The following FAM110D variants were observed in gnomAD, a reference collection of about 807,000 sequenced individuals.
FAM110D encodes protein FAM110D.
For missense variants in FAM110D, 376 were observed against 395.6 expected (o/e 0.95, Z 0.42); for synonymous variants, 174 against 189.4 (o/e 0.92, Z 0.67).
In FAM110D at chr1:26,159,126, G is replaced by A. The variant is rs1295849883; in HGVS notation, c.-81G>A. On this transcript the variant is annotated splice_region_variant and 5_prime_UTR_variant, in exon 1 of 2. Coordinates refer to ENST00000374268, the MANE Select transcript of FAM110D (RefSeq NM_024869.3). The stretch of plus-strand genomic sequence containing the variant: ...CCTGCAATTAGGCCTCCCATGCAGA[G>A]GTGAGTGTACCCTGAGCCCAGGGCT... 6.6e-6 allele frequency: 1 copy of A among 152,362 alleles called. No individual in the cohort carries two copies. The highest frequency in any genetic ancestry group is 1.5e-5 in the Non-Finnish European group (1 of 68,152). 9.4% of individuals were successfully genotyped at this position (152,362 alleles called of 1,614,324 possible).
Position 26,161,804 on chromosome 1 carries a change from G to T in FAM110D, c.513G>T (p.Leu171=). The part of the protein sequence containing the change: ...EKERFFNYCG[L]ERALVEVLGA... ...AGCGCTTCTTCAACTACTGCGGCCT[G>T]GAGCGCGCGCTGGTGGAGGTGCTGG... The change falls in exon 2 of 2, where the codon CTG becomes CTT. Residue 171 remains leucine (L), a synonymous_variant. Transcript: ENST00000374268. This position sits in a 1 kb window ranked among gnomAD's most constrained non-coding sequence, Gnocchi z 5.4. 6.5e-7 allele frequency: 1 copy of T among 1,549,836 alleles called. No homozygotes were observed. The highest frequency in any genetic ancestry group is 2.4e-5 in the East Asian group (1 of 41,246).
intron 1 of FAM110D, among the ~76,000 whole-genome samples, chr1:26,160,991 G>C (rs2088361387): frequency 6.6e-6 from 1 of 152,228 alleles, no homozygotes; most frequent in African/African-American, 2.4e-5. Context: ...CCAGATTGGG[G>C]CACCTTCAAA....
At position 26,163,911 on chromosome 1, in the gene FAM110D, G is replaced by GA. The variant is rs1233876611; in HGVS notation, c.*1805dup. On this transcript the variant is annotated 3_prime_UTR_variant, in exon 2 of 2. Transcript: ENST00000374268. ...AGAGGGCGATGGACGCAGTCCTCTG[G>GA]AGCTCTCCAACTTCCTGGAAAGTTG... 5.4e-6 allele frequency: 2 copies of GA among 368,262 alleles called. No individual in the cohort carries two copies. The highest frequency in any genetic ancestry group is 9.6e-6 in the Non-Finnish European group (2 of 207,512). 22.8% of individuals were successfully genotyped at this position (368,262 alleles called of 1,614,324 possible). A position where few individuals can be genotyped will look rare whatever the true frequency, so the allele number is the denominator to read the frequency against.
chr1:26,162,066 T>G lies in FAM110D; in HGVS notation c.775T>G (p.Cys259Gly). The G allele has an allele frequency of 7.9e-7, 1 of 1,271,594 alleles. No homozygotes were observed. The highest frequency in any genetic ancestry group is 2.7e-4 in the Middle Eastern group (1 of 3,742). 78.8% of individuals were successfully genotyped at this position (1,271,594 alleles called of 1,614,324 possible). The stretch of plus-strand genomic sequence containing the variant: ...GCGCGTCATCCAGTGGCTGTACGGC[T>G]GCCAGCGCGCCCGCGGACCGCCGCG... ...NARVIQWLYGCQRARGPPRES... is the reference protein window; with the variant it reads ...NARVIQWLYGGQRARGPPRES... Residue 259 changes from cysteine (C) to glycine (G), a missense_variant, in exon 2 of 2, where the codon TGC becomes GGC. Cys to Gly is a radical substitution (Grantham distance 159). Coordinates refer to ENST00000374268, the MANE Select transcript of FAM110D (RefSeq NM_024869.3). This position sits in a 1 kb window ranked among gnomAD's most constrained non-coding sequence, Gnocchi z 5.3.
chr1:26,160,429 A>C (rs1429867664), intron 1 of FAM110D, among the ~76,000 whole-genome samples: 1 of 152,026 alleles, frequency 6.6e-6, no homozygotes, highest in African/African-American at 2.4e-5. Context: ...TGAGAGATCC[A>C]ATCTGAACTG....
intron 1 of FAM110D, among the ~76,000 whole-genome samples, chr1:26,160,475 G>A (rs1367970809): frequency 5.3e-5 from 8 of 150,868 alleles, no homozygotes; most frequent in East Asian, 1.9e-4. Context: ...GCAAGACTCC[G>A]TCTAAAGAAA....
Position 26,161,218 on chromosome 1 carries a change from G to A in FAM110D, c.-74G>A. The A allele has an allele frequency of 3.6e-6, 5 of 1,405,030 alleles. No homozygotes were observed. In the South Asian group the frequency reaches 7.4e-5, roughly 21 times the overall value. The allele number at this position is 1,405,030 out of a possible 1,614,324, so 87.0% of individuals were successfully genotyped here. ...CCTTCCTCTCTCCCTGCAGGTCAGTGAGAGCCCAAGCCAATTGCTCTAGGC... is the reference window on the plus strand; with the variant it reads ...CCTTCCTCTCTCCCTGCAGGTCAGTAAGAGCCCAAGCCAATTGCTCTAGGC... On this transcript the variant is annotated 5_prime_UTR_variant, in exon 2 of 2. Transcript: ENST00000374268. The surrounding 1 kb of genome is among the most constrained non-coding windows in gnomAD (Gnocchi z 5.4).
Position 26,162,016 on chromosome 1 carries a change from C to T in FAM110D, c.725C>T (p.Pro242Leu), listed in dbSNP as rs868633560. Residue 242 changes from proline to leucine, a missense_variant, in exon 2 of 2, where the codon CCG (proline) becomes CTG (leucine). Coordinates refer to ENST00000374268, the MANE Select transcript of FAM110D (RefSeq NM_024869.3). The surrounding 1 kb of genome is among the most constrained non-coding windows in gnomAD (Gnocchi z 5.3). ...AAGSARDRRP[P>L]VSVVERNARV... ...GGCTCGGCGCGGGACCGGCGCCCCC[C>T]GGTGTCGGTGGTGGAGCGCAACGCG... 6 of 1,237,364 alleles carry T rather than the reference C, an allele frequency of 4.8e-6. No homozygotes were observed. The highest frequency in any genetic ancestry group is 4.0e-6 in the Non-Finnish European group (4 of 994,190). 76.6% of individuals were successfully genotyped at this position (1,237,364 alleles called of 1,614,324 possible). A position where few individuals can be genotyped will look rare whatever the true frequency, so the allele number is the denominator to read the frequency against.
At chr1:26,159,746 C>T (rs1569850646) in intron 1 of FAM110D, among the ~76,000 whole-genome samples, 1 of 152,138 alleles carries the variant, frequency 6.6e-6, no homozygotes, top group East Asian at 1.9e-4. Flanking sequence ...CAAGGTCCCT[C>T]AGCCTCCAGG....
chr1:26,162,238 G>C lies in FAM110D; in HGVS notation c.*131G>C. ...CAGTTTCGCGTCTGAACCTTGGGGA[G>C]GTGGAACAAGTTGCTGCCGAAGGCC... On this transcript the variant is annotated 3_prime_UTR_variant, in exon 2 of 2. Transcript: ENST00000374268. This position sits in a 1 kb window ranked among gnomAD's most constrained non-coding sequence, Gnocchi z 5.3. 1 of 574,088 alleles carries C rather than the reference G, an allele frequency of 1.7e-6. No individual in the cohort carries two copies. Among genetic ancestry groups the C allele is most frequent in the Non-Finnish European group, 2.6e-6 (1 of 382,716 alleles). 35.6% of individuals were successfully genotyped at this position (574,088 alleles called of 1,614,324 possible). A position where few individuals can be genotyped will look rare whatever the true frequency, so the allele number is the denominator to read the frequency against.
Position 26,162,272 on chromosome 1 carries a change from C to G in FAM110D, c.*165C>G. On this transcript the variant is annotated 3_prime_UTR_variant, in exon 2 of 2. Transcript: ENST00000374268. The surrounding 1 kb of genome is among the most constrained non-coding windows in gnomAD (Gnocchi z 5.3). Reference sequence around the variant, plus strand: ...AGTTGCTGCCGAAGGCCCTTCCCTGCTCCCGCGGCGAAGGGGGAGGGAGAG... The same window carrying G: ...AGTTGCTGCCGAAGGCCCTTCCCTGGTCCCGCGGCGAAGGGGGAGGGAGAG... 1 of 432,770 alleles carries G rather than the reference C, an allele frequency of 2.3e-6. No homozygotes were observed. Among genetic ancestry groups the G allele is most frequent in the Non-Finnish European group, 4.0e-6 (1 of 252,276 alleles). 26.8% of individuals were successfully genotyped at this position (432,770 alleles called of 1,614,324 possible).
At chr1:26,160,794 G>A (rs1197354843) in intron 1 of FAM110D, among the ~76,000 whole-genome samples, 1 of 152,238 alleles carries the variant, frequency 6.6e-6, no homozygotes, top group South Asian at 2.1e-4. Context: ...GTGTTTGGGG[G>A]CGGGAAGGGT....
In FAM110D at chr1:26,161,695, G is replaced by T; in HGVS notation, c.404G>T (p.Gly135Val). Reference protein sequence around the residue: ...ASTERPAASGGWAAPQDAPEA... With the variant: ...ASTERPAASGVWAAPQDAPEA... ...ACAGAGCGACCTGCGGCTTCAGGGG[G>T]TTGGGCTGCGCCCCAGGATGCCCCG... The change falls in exon 2 of 2, where the codon GGT (glycine) becomes GTT (valine). Residue 135 changes from glycine to valine, a missense_variant. Gly to Val is a moderately radical substitution (Grantham distance 109). Transcript: ENST00000374268. This position sits in a 1 kb window ranked among gnomAD's most constrained non-coding sequence, Gnocchi z 5.4. 2.6e-6 allele frequency: 4 copies of T among 1,551,056 alleles called. No homozygotes were observed. Among genetic ancestry groups the T allele is most frequent in the Non-Finnish European group, 2.6e-6 (3 of 1,147,478 alleles).
rs1451144034 is a variant in FAM110D, at chr1:26,161,939, G to A, written c.648G>A (p.Arg216=). The change falls in exon 2 of 2, where the codon AGG becomes AGA. Residue 216 remains arginine, a synonymous_variant. Coordinates refer to ENST00000374268, the MANE Select transcript of FAM110D (RefSeq NM_024869.3). The surrounding 1 kb of genome is among the most constrained non-coding windows in gnomAD (Gnocchi z 5.4). The stretch of plus-strand genomic sequence containing the variant: ...CCAGCGACTGGACATCCAGCGACAG[G>A]GGCGTGGACAGCCCGGGCGGCGCGG... The part of the protein sequence containing the change: ...GDASDWTSSD[R]GVDSPGGAGG... The A allele has an allele frequency of 1.5e-6, 2 of 1,297,906 alleles. No individual in the cohort carries two copies. Among genetic ancestry groups the A allele is most frequent in the African/African-American group, 3.1e-5 (2 of 64,640 alleles). The allele number at this position is 1,297,906 out of a possible 1,614,324, so 80.4% of individuals were successfully genotyped here. A position where few individuals can be genotyped will look rare whatever the true frequency, so the allele number is the denominator to read the frequency against.
In FAM110D at chr1:26,161,759, G is replaced by T. The variant is rs777369342; in HGVS notation, c.468G>T (p.Ser156=). The change falls in exon 2 of 2, where the codon TCG becomes TCT. Residue 156 remains serine (S), a synonymous_variant. Coordinates refer to ENST00000374268, the MANE Select transcript of FAM110D (RefSeq NM_024869.3). The surrounding 1 kb of genome is among the most constrained non-coding windows in gnomAD (Gnocchi z 5.4). The part of the protein sequence containing the change: ...AGKRALCPTC[S]LPLSEKERFF... ...AGCGGGCGCTGTGTCCCACGTGCTC[G>T]CTGCCCCTGTCGGAGAAGGAGCGCT... 5 of 1,549,470 alleles carry T rather than the reference G, an allele frequency of 3.2e-6. No individual in the cohort carries two copies. In the South Asian group the frequency reaches 4.8e-5, roughly 15 times the overall value.
In FAM110D at chr1:26,161,614, T is replaced by G. The variant is rs1284144031; in HGVS notation, c.323T>G (p.Val108Gly). ...NKENAKGQGL[V>G]RRLFLGAPRD... ...GAGAACGCCAAGGGCCAGGGTCTGG[T>G]GCGGCGCCTCTTTCTGGGTGCCCCG... Residue 108 changes from valine (V) to glycine (G), a missense_variant, in exon 2 of 2, where the codon GTG (valine) becomes GGG (glycine). Physicochemically the swap from Val to Gly is moderately radical, Grantham distance 109. Coordinates refer to ENST00000374268, the MANE Select transcript of FAM110D (RefSeq NM_024869.3). The surrounding 1 kb of genome is among the most constrained non-coding windows in gnomAD (Gnocchi z 5.4). The G allele has an allele frequency of 1.3e-6, 2 of 1,550,646 alleles. No individual in the cohort carries two copies. Among genetic ancestry groups the G allele is most frequent in the African/African-American group, 2.7e-5 (2 of 73,084 alleles).
intron 1 of FAM110D, among the ~76,000 whole-genome samples, chr1:26,160,644 AG>A (rs1387493890): frequency 6.6e-5 from 10 of 152,242 alleles, no homozygotes; most frequent in African/African-American, 2.4e-4. Flanking sequence ...TCCCCTTGGC[AG>A]GGGCAGAGTA....
chr1:26,162,133 G>T lies in FAM110D; in HGVS notation c.*26G>T. On this transcript the variant is annotated 3_prime_UTR_variant, in exon 2 of 2. Transcript: ENST00000374268. The surrounding 1 kb of genome is among the most constrained non-coding windows in gnomAD (Gnocchi z 5.3). ...CCGCCGCGGCTCCGGACTGGCCCCGGGACTGGCCCCGGGCACGGAAAAGGA... is the reference window on the plus strand; with the variant it reads ...CCGCCGCGGCTCCGGACTGGCCCCGTGACTGGCCCCGGGCACGGAAAAGGA... 1 of 1,236,968 alleles carries T rather than the reference G, an allele frequency of 8.1e-7. No individual in the cohort carries two copies. The highest frequency in any genetic ancestry group is 1.0e-6 in the Non-Finnish European group (1 of 983,394). 76.6% of individuals were successfully genotyped at this position (1,236,968 alleles called of 1,614,324 possible).
rs1178541781 is a variant in FAM110D at position 26,161,586 on chromosome 1, A to G, written c.295A>G (p.Lys99Glu). ...GCGGGACTGCAAGGCTTCGGTGAACAAAGAGAACGCCAAGGGCCAGGGTCT... is the reference window on the plus strand; with the variant it reads ...GCGGGACTGCAAGGCTTCGGTGAACGAAGAGAACGCCAAGGGCCAGGGTCT... ...QKRDCKASVN[K>E]ENAKGQGLVR... Residue 99 changes from lysine (K) to glutamate (E), a missense_variant, in exon 2 of 2, where the codon AAA (lysine) becomes GAA (glutamate). By Grantham distance (56) the Lys-to-Glu change is moderately conservative. Coordinates refer to ENST00000374268, the MANE Select transcript of FAM110D (RefSeq NM_024869.3). The surrounding 1 kb of genome is among the most constrained non-coding windows in gnomAD (Gnocchi z 5.4). 1 of 1,550,294 alleles carries G rather than the reference A, an allele frequency of 6.5e-7. No individual in the cohort carries two copies. The highest frequency in any genetic ancestry group is 1.4e-5 in the African/African-American group (1 of 73,062).
Sources: allele counts gnomAD v4.1 joint callset (sites outside exome capture counted in the v4.1 genomes callset), GRCh38; gene constraint gnomAD v4.1.1; non-coding constraint Gnocchi (gnomAD v3.1); transcripts MANE v1.5; gene names NCBI Gene and HGNC (gene_info 2026-07-23, HGNC 2026-07-21).